ITGBL1: variants seen among roughly 807,000 people sequenced by gnomAD.
ITGBL1 encodes integrin subunit beta like 1.
ITGBL1 carries 51 observed loss-of-function variants against 68.5 expected under a neutral mutation model. The ratio of observed to expected loss-of-function variants is 0.74; its 90% CI spans 0.59 to 0.94. The LOEUF (loss-of-function observed/expected upper bound fraction) is 0.94, where lower values mean the gene tolerates loss of function less well. Ranked by LOEUF, ITGBL1 falls within the 40% of genes least tolerant of loss-of-function variation. The pLI is 0.00. For synonymous variants in ITGBL1, 209 were observed against 227.3 expected, an observed-to-expected ratio of 0.92 and a Z score of 0.72; for missense variants, 649 against 647.4, an observed-to-expected ratio of 1.00 and a Z score of -0.03.
intron 7 of ITGBL1, among the ~76,000 whole-genome samples, chr13:101,691,137 C>T (rs1193025831): frequency 2.6e-5 from 4 of 152,080 alleles, no homozygotes; most frequent in Admixed American, 1.3e-4. Flanking sequence ...AGAATAAAAG[C>T]CCTGACCAAG....
chr13:101,693,846 T>G (rs1298587914), intron 8 of ITGBL1, among the ~76,000 whole-genome samples: 1 of 152,196 alleles, frequency 6.6e-6, no homozygotes, highest in Admixed American at 6.5e-5. Flanking sequence ...CTTTTTTGAA[T>G]TTTTGCAGTC....
intron 2 of ITGBL1, among the ~76,000 whole-genome samples, chr13:101,535,166 A>G (rs543518261): frequency 6.6e-6 from 1 of 152,096 alleles, no homozygotes; most frequent in African/African-American, 2.4e-5. Context: ...CAATATATCT[A>G]CGTGGTGATA....
intron 7 of ITGBL1, among the ~76,000 whole-genome samples, chr13:101,688,955 T>C (rs756572484): frequency 2.0e-5 from 3 of 151,972 alleles, no homozygotes; most frequent in Non-Finnish European, 4.4e-5. Flanking sequence ...TCCCAGCACT[T>C]TGGGAGGCCA....
At position 101,452,771 on chromosome 13, in the gene ITGBL1, C is replaced by T; in HGVS notation, c.-63C>T. 1 of 1,366,158 alleles carries T rather than the reference C, an allele frequency of 7.3e-7. No individual in the cohort carries two copies. The highest frequency in any genetic ancestry group is 1.0e-6 in the Non-Finnish European group (1 of 955,832). 84.6% of individuals were successfully genotyped at this position (1,366,158 alleles called of 1,614,324 possible). A position where few individuals can be genotyped will look rare whatever the true frequency, so the allele number is the denominator to read the frequency against. On this transcript the variant is annotated 5_prime_UTR_variant, in exon 1 of 11. Transcript: ENST00000376180. ...CTGGTGGCACCTCTCCCTCCTGCCG[C>T]CTCCCTCGGTGAACCCCACCTTGCA...
intron 2 of ITGBL1, among the ~76,000 whole-genome samples, chr13:101,470,270 A>T (rs190440932): frequency 6.6e-6 from 1 of 152,248 alleles, no homozygotes; most frequent in Admixed American, 6.5e-5. Flanking sequence ...TATTTAATGC[A>T]TGTCCAGTGC....
At chr13:101,601,087 A>G (rs529824500) in intron 7 of ITGBL1, among the ~76,000 whole-genome samples, 2 of 151,948 alleles carry the variant, frequency 1.3e-5, no homozygotes, top group South Asian at 4.2e-4. Context: ...TTTGGTTGGT[A>G]AGCTATTATT....
chr13:101,623,280 A>T (rs1387039827), intron 7 of ITGBL1, among the ~76,000 whole-genome samples: 1 of 152,134 alleles, frequency 6.6e-6, no homozygotes, highest in Non-Finnish European at 1.5e-5. Flanking sequence ...TATATAATCA[A>T]CAACTTGTAA....
intron 2 of ITGBL1, among the ~76,000 whole-genome samples, chr13:101,518,564 A>G (rs1385627084): frequency 6.6e-6 from 1 of 152,310 alleles, no homozygotes; most frequent in Non-Finnish European, 1.5e-5. Flanking sequence ...CCTGGTGAAC[A>G]TTTAAAGCCA....
intron 7 of ITGBL1, among the ~76,000 whole-genome samples, chr13:101,637,107 G>A (rs966185397): frequency 2.0e-5 from 3 of 152,030 alleles, no homozygotes; most frequent in African/African-American, 4.8e-5. Flanking sequence ...AAAATGGGAA[G>A]ATACATCAAA....
At chr13:101,588,709 C>G (rs964105792) in intron 6 of ITGBL1, among the ~76,000 whole-genome samples, 3 of 138,266 alleles carry the variant, frequency 2.2e-5, no homozygotes, top group Non-Finnish European at 4.8e-5. Context: ...AAAAAAAAAA[C>G]CTGATGTAAT....
At chr13:101,504,853 G>T (rs1246578720) in intron 2 of ITGBL1, among the ~76,000 whole-genome samples, 1 of 152,142 alleles carries the variant, frequency 6.6e-6, no homozygotes, top group Non-Finnish European at 1.5e-5. Flanking sequence ...CCTCTAATGT[G>T]CATTGCACCA....
chr13:101,632,869 T>A (rs2032031682), intron 7 of ITGBL1, among the ~76,000 whole-genome samples: 1 of 152,320 alleles, frequency 6.6e-6, no homozygotes, highest in South Asian at 2.1e-4. Context: ...AGCCTTCAGT[T>A]TAATTTCACC....
chr13:101,600,096 A>C (rs1003085657), intron 7 of ITGBL1, among the ~76,000 whole-genome samples: 1 of 152,036 alleles, frequency 6.6e-6, no homozygotes, highest in Non-Finnish European at 1.5e-5. Context: ...ATTTGTTTGT[A>C]TGCTCTTTTA....
chr13:101,595,926 T>C (rs1387442865), intron 6 of ITGBL1, among the ~76,000 whole-genome samples: 3 of 152,112 alleles, frequency 2.0e-5, no homozygotes, highest in Non-Finnish European at 4.4e-5. Flanking sequence ...AACCAAGATA[T>C]GAAAACAACA....
intron 2 of ITGBL1, among the ~76,000 whole-genome samples, chr13:101,476,340 TAA>T (rs1002894112): frequency 1.3e-5 from 2 of 151,734 alleles, no homozygotes; most frequent in African/African-American, 4.8e-5. Flanking sequence ...AACTGACAGA[TAA>T]AAAGTTTAAA....
chr13:101,703,499 G>T (rs2034183062), intron 8 of ITGBL1, among the ~76,000 whole-genome samples: 1 of 152,206 alleles, frequency 6.6e-6, no homozygotes, highest in African/African-American at 2.4e-5. Context: ...TCTATGCCAT[G>T]AGTATTAGGA....
chr13:101,549,885 A>G (rs1009312857), intron 2 of ITGBL1, among the ~76,000 whole-genome samples: 1 of 152,154 alleles, frequency 6.6e-6, no homozygotes, highest in Non-Finnish European at 1.5e-5. Context: ...ATTGATATAC[A>G]TAGCTTTCAT....
chr13:101,709,724 TTGTTTG>T lies in ITGBL1; in HGVS notation c.1279+2832_1279+2837del, dbSNP rs747829827. ...ATTTGTTTATTTTAAGAGTCAACTATTGTTTGTGTTTGTGTGTTTACTACGCTCACT... is the reference window on the plus strand; with the variant it reads ...ATTTGTTTATTTTAAGAGTCAACTATTGTTTGTGTGTTTACTACGCTCACT... On this transcript the variant is annotated intron_variant, in intron 9 of 10. Transcript: ENST00000376180. Among the ~76,000 whole-genome samples the T allele has an allele frequency of 1.8e-4, 28 of 152,348 alleles. No individual in the cohort carries two copies. In the East Asian group the frequency reaches 4.2e-3, roughly 23 times the overall value.
At chr13:101,500,296 A>G (rs562813074) in intron 2 of ITGBL1, among the ~76,000 whole-genome samples, 67 of 152,038 alleles carry the variant, frequency 4.4e-4, no homozygotes, top group African/African-American at 1.6e-3. Context: ...CATTTATAAC[A>G]GAGTTTAATG....
Sources: gnomAD v4.1 joint callset for allele counts (sites outside exome capture counted in the v4.1 genomes callset) on GRCh38, gnomAD v4.1.1 for gene constraint, MANE v1.5 for transcripts, NCBI Gene and HGNC (gene_info 2026-07-23, HGNC 2026-07-21) for gene names.